Variants in PPP1R14C observed in about 807,000 individuals in gnomAD.
PPP1R14C encodes protein phosphatase 1 regulatory subunit 14C.
PPP1R14C carries 16 observed loss-of-function variants against 20.4 expected under a neutral mutation model. The observed-to-expected ratio is 0.78, with a 90% CI of 0.53 to 1.19. The LOEUF (loss-of-function observed/expected upper bound fraction) is 1.19, where lower values mean the gene tolerates loss of function less well. Ranked by LOEUF, PPP1R14C falls within the 50% of genes most tolerant of loss-of-function variation. The pLI is 0.00. For missense variants in PPP1R14C, 211 were observed against 220.1 expected, an observed-to-expected ratio of 0.96 and a Z score of 0.26; for synonymous variants, 91 against 91.0, an observed-to-expected ratio of 1.00 and a Z score of 0.00.
Position 150,248,935 on chromosome 6 carries a change from T to A in PPP1R14C, c.*115T>A. The A allele has an allele frequency of 1.7e-6, 1 of 582,434 alleles. No individual in the cohort carries two copies. The highest frequency in any genetic ancestry group is 2.9e-6 in the Non-Finnish European group (1 of 348,002). The allele number at this position is 582,434 out of a possible 1,614,324, so 36.1% of individuals were successfully genotyped here. ...TTATGAACAACGTTTTTGTTTTTTTTTTTTTCTTTTTTGGTGTGAAGGTGG... is the reference window on the plus strand; with the variant it reads ...TTATGAACAACGTTTTTGTTTTTTTATTTTTCTTTTTTGGTGTGAAGGTGG... On this transcript the variant is annotated 3_prime_UTR_variant, in exon 4 of 4. Transcript: ENST00000361131.
chr6:150,162,831 G>GA (rs1454402527), intron 1 of PPP1R14C, among the ~76,000 whole-genome samples: 4 of 152,084 alleles, frequency 2.6e-5, no homozygotes, highest in East Asian at 1.9e-4. Context: ...GTAGTGCTAG[G>GA]AAAAAAATAA....
At chr6:150,221,986 A>T (rs982791476) in intron 3 of PPP1R14C, among the ~76,000 whole-genome samples, 8 of 152,060 alleles carry the variant, frequency 5.3e-5, no homozygotes, top group Non-Finnish European at 1.2e-4. Flanking sequence ...TTTTGTAGAG[A>T]CAAAGTTTCT....
At chr6:150,205,328 C>T (rs930813474) in intron 1 of PPP1R14C, among the ~76,000 whole-genome samples, 3 of 152,162 alleles carry the variant, frequency 2.0e-5, no homozygotes, top group African/African-American at 7.2e-5. Context: ...TCTCTTACCA[C>T]CTGGTCTGCA....
At chr6:150,192,704 A>T (rs1235766678) in intron 1 of PPP1R14C, among the ~76,000 whole-genome samples, 3 of 152,220 alleles carry the variant, frequency 2.0e-5, no homozygotes, top group Middle Eastern at 6.3e-3. Flanking sequence ...GGGGGTTGAT[A>T]GGACTCAGCT....
intron 3 of PPP1R14C, among the ~76,000 whole-genome samples, chr6:150,222,764 G>GCTT (rs1582926265): frequency 1.6e-5 from 1 of 61,066 alleles, no homozygotes; most frequent in East Asian, 4.9e-4. Flanking sequence ...TTTCAAACTG[G>GCTT]CTTTTTTTTT....
chr6:150,228,889 T>C (rs535704945), intron 3 of PPP1R14C, among the ~76,000 whole-genome samples: 1 of 152,256 alleles, frequency 6.6e-6, no homozygotes, highest in South Asian at 2.1e-4. Context: ...GGCCTTGCTT[T>C]TGGGTGCCTT....
At chr6:150,173,202 C>T (rs1012581909) in intron 1 of PPP1R14C, among the ~76,000 whole-genome samples, 1 of 152,144 alleles carries the variant, frequency 6.6e-6, no homozygotes, top group Admixed American at 6.5e-5. Context: ...GAGATCTCCC[C>T]ATTTTTTCCA....
intron 1 of PPP1R14C, among the ~76,000 whole-genome samples, chr6:150,211,060 A>C (rs1209521164): frequency 6.6e-6 from 1 of 152,164 alleles, no homozygotes; most frequent in Non-Finnish European, 1.5e-5. Context: ...GTCATTCCGC[A>C]AGGTCAGTTC....
At position 150,216,867 on chromosome 6, in the gene PPP1R14C, C is replaced by T; in HGVS notation, c.423+11C>T. On this transcript the variant is annotated intron_variant, in intron 3 of 3. Coordinates refer to ENST00000361131, the MANE Select transcript of PPP1R14C (RefSeq NM_030949.3). ...TACAAACCAACAGAGGTAAGCAAAT[C>T]ACTTTTCCTAAATGCCATGTTTGAA... is the stretch of plus-strand genomic sequence containing the variant. 1.3e-6 allele frequency: 2 copies of T among 1,598,284 alleles called. No homozygotes were observed. Among genetic ancestry groups the T allele is most frequent in the East Asian group, 2.2e-5 (1 of 44,506 alleles).
intron 1 of PPP1R14C, among the ~76,000 whole-genome samples, chr6:150,191,796 G>A (rs1423584681): frequency 1.3e-5 from 2 of 152,216 alleles, no homozygotes; most frequent in Non-Finnish European, 2.9e-5. Context: ...TATGCACATT[G>A]AATGTGGTTA....
At chr6:150,160,956 C>G (rs1014755347) in intron 1 of PPP1R14C, among the ~76,000 whole-genome samples, 1 of 152,036 alleles carries the variant, frequency 6.6e-6, no homozygotes, top group African/African-American at 2.4e-5. Context: ...CCAAGGAACG[C>G]TGATTCCTTT....
At chr6:150,183,470 G>A (rs1777644277) in intron 1 of PPP1R14C, among the ~76,000 whole-genome samples, 1 of 152,106 alleles carries the variant, frequency 6.6e-6, no homozygotes, top group South Asian at 2.1e-4. Flanking sequence ...TATGAACCTG[G>A]TTAACATCTG....
chr6:150,212,563 A>G (rs1312580322), intron 1 of PPP1R14C, among the ~76,000 whole-genome samples: 2 of 152,180 alleles, frequency 1.3e-5, no homozygotes, highest in Non-Finnish European at 2.9e-5. Flanking sequence ...GGAGGGCATT[A>G]GTTACTAATT....
intron 1 of PPP1R14C, among the ~76,000 whole-genome samples, chr6:150,190,288 A>T (rs1328555267): frequency 2.6e-5 from 4 of 152,030 alleles, no homozygotes; most frequent in Non-Finnish European, 5.9e-5. Flanking sequence ...CAGCCTTAGT[A>T]TGCCCAAAGC....
At chr6:150,248,128 C>T (rs1024193399) in intron 3 of PPP1R14C, among the ~76,000 whole-genome samples, 1 of 152,122 alleles carries the variant, frequency 6.6e-6, no homozygotes, top group African/African-American at 2.4e-5. Context: ...TCTTGGGGGC[C>T]CTACTCTGAT....
intron 1 of PPP1R14C, among the ~76,000 whole-genome samples, chr6:150,161,185 C>T (rs56058461): frequency 0.25 from 37,455 of 151,600 alleles, 5,040 homozygotes; most frequent in Middle Eastern, 0.33. Flanking sequence ...GAGGCTGAGA[C>T]AGGAGAATCG....
intron 1 of PPP1R14C, among the ~76,000 whole-genome samples, chr6:150,152,625 G>A (rs34258154): frequency 1.3e-5 from 2 of 151,412 alleles, no homozygotes; most frequent in Admixed American, 6.6e-5. Context: ...GCTTGCACCT[G>A]TTCTTAGCCT....
chr6:150,210,475 C>T (rs563818993), intron 1 of PPP1R14C, among the ~76,000 whole-genome samples: 9 of 152,306 alleles, frequency 5.9e-5, no homozygotes, highest in African/African-American at 2.2e-4. Context: ...ATGACATTCC[C>T]ACAGCCTCCT....
At chr6:150,198,104 C>G (rs1223102228) in intron 1 of PPP1R14C, among the ~76,000 whole-genome samples, 2 of 111,962 alleles carry the variant, frequency 1.8e-5, no homozygotes. Context: ...TGTGCCCCTG[C>G]CCGTCACGGT....
Sources: allele counts gnomAD v4.1 joint callset (sites outside exome capture counted in the v4.1 genomes callset), GRCh38; gene constraint gnomAD v4.1.1; transcripts MANE v1.5; gene names NCBI Gene and HGNC (gene_info 2026-07-23, HGNC 2026-07-21).